The following MYO10 variants were observed in gnomAD, a reference collection of about 807,000 sequenced individuals.
MYO10 encodes the protein unconventional myosin-X.
A neutral mutation model predicts 257.3 loss-of-function variants in MYO10; 133 were observed. That is an observed-to-expected ratio of 0.52 (90% CI 0.45 to 0.60). The LOEUF (loss-of-function observed/expected upper bound fraction) is 0.60. MYO10 is among the 20% of genes least tolerant of loss of function. The pLI, the probability that MYO10 is intolerant of heterozygous loss-of-function variation, is 0.00. For missense variants in MYO10, 2,399 were observed against 2,635.7 expected (o/e 0.91, Z 1.97); for synonymous variants, 1,104 against 1,028.6 (o/e 1.07, Z -1.40).
chr5:16,914,510 T>G (rs1410173858), intron 1 of MYO10, among the ~76,000 whole-genome samples: 5 of 152,260 alleles, frequency 3.3e-5, no homozygotes, highest in Admixed American at 6.5e-5. Flanking sequence ...CCTATGCCAC[T>G]GTTAATTCTG....
At position 16,679,524 on chromosome 5, in the gene MYO10, G is replaced by GTTTTTTTTTTTTTTTTTTTTTTTTTTTT. The variant is rs33919452; in HGVS notation, c.4542+422_4542+423insAAAAAAAAAAAAAAAAAAAAAAAAAAAA. Among the ~76,000 whole-genome samples the GTTTTTTTTTTTTTTTTTTTTTTTTTTTT allele has an allele frequency of 2.9e-4, 36 of 122,652 alleles. 2 individuals carry two copies. The highest frequency in any genetic ancestry group is 1.1e-3 in the African/African-American group (34 of 31,086). 80.5% of individuals were successfully genotyped at this position (122,652 alleles called of 152,430 possible). On this transcript the variant is annotated intron_variant, in intron 33 of 40. Transcript: ENST00000513610. ...TTAACCAAGCGCTAGTTTTTTGGGT[G>GTTTTTTTTTTTTTTTTTTTTTTTTTTTT]TTTTTTTTTTTTTTTTTTGAGACGA...
Position 16,666,455 on chromosome 5 carries a change from C to CCT in MYO10, c.*235_*236dup, listed in dbSNP as rs1736173014. ...TCCCCTCCTTTTTTAAGGCATGTGTCCTCTAAGAGTAGTAAAGCTTTGGAA... is the reference window on the plus strand; with the variant it reads ...TCCCCTCCTTTTTTAAGGCATGTGTCCTCTCTAAGAGTAGTAAAGCTTTGGAA... On this transcript the variant is annotated 3_prime_UTR_variant, in exon 41 of 41. Coordinates refer to ENST00000513610, the MANE Select transcript of MYO10 (RefSeq NM_012334.3). The CCT allele has an allele frequency of 2.3e-6, 1 of 437,752 alleles. No homozygotes were observed. The highest frequency in any genetic ancestry group is 2.0e-5 in the African/African-American group (1 of 49,200). 27.1% of individuals were successfully genotyped at this position (437,752 alleles called of 1,614,324 possible). A position where few individuals can be genotyped will look rare whatever the true frequency, so the allele number is the denominator to read the frequency against.
chr5:16,691,146 T>C (rs1187666664), intron 27 of MYO10, among the ~76,000 whole-genome samples: 1 of 151,634 alleles, frequency 6.6e-6, no homozygotes, highest in East Asian at 2.0e-4. Flanking sequence ...GGCAGGTACC[T>C]GTACTTCCAG....
At chr5:16,763,588 A>G (rs765465984) in intron 13 of MYO10, 41 bp from the exon 14 acceptor site, 2 of 1,588,920 alleles carry the variant, frequency 1.3e-6, no homozygotes, top group Admixed American at 3.3e-5. Flanking sequence ...ATGAAAACAT[A>G]GCTTCAAAAC....
intron 33 of MYO10, among the ~76,000 whole-genome samples, chr5:16,678,444 G>C (rs971029417): frequency 6.6e-6 from 1 of 152,166 alleles, no homozygotes; most frequent in African/African-American, 2.4e-5. Context: ...GCTGGGCGTG[G>C]TGGTGGGTGC....
At chr5:16,858,604 T>C (rs1448336676) in intron 2 of MYO10, among the ~76,000 whole-genome samples, 1 of 152,184 alleles carries the variant, frequency 6.6e-6, no homozygotes, top group Admixed American at 6.5e-5. Flanking sequence ...ATCTTTAAAA[T>C]GGCAGCACAA....
At chr5:16,867,757 A>T (rs1744323159) in intron 2 of MYO10, among the ~76,000 whole-genome samples, 1 of 152,160 alleles carries the variant, frequency 6.6e-6, no homozygotes, top group African/African-American at 2.4e-5. Context: ...CTCTCTTAGC[A>T]GGTGGGAATG....
rs540526196 is a variant in MYO10 at position 16,752,652 on chromosome 5, T to G, written c.1929+2176A>C. 2.6e-5 allele frequency among the ~76,000 whole-genome samples: 4 copies of G among 152,300 alleles called. No individual in the cohort carries two copies. The South Asian group carries it at 6.2e-4, about 24-fold the overall frequency. ...TGAAAGATTAAATATGGCACTATCA[T>G]CCTTATTGTAGAAAGAGGAGAGAAC... On this transcript the variant is annotated intron_variant, in intron 19 of 40. Transcript: ENST00000513610.
chr5:16,810,267 A>G (rs963765081), intron 3 of MYO10, among the ~76,000 whole-genome samples: 6 of 152,140 alleles, frequency 3.9e-5, no homozygotes, highest in Non-Finnish European at 7.4e-5. Flanking sequence ...ACGTTTTCAC[A>G]GCCACAGCAC....
intron 1 of MYO10, among the ~76,000 whole-genome samples, chr5:16,896,515 C>T (rs967629994): frequency 2.6e-5 from 4 of 152,122 alleles, no homozygotes; most frequent in African/African-American, 9.7e-5. Flanking sequence ...ACTGCTTGAA[C>T]CCAGGAGGCA....
At chr5:16,813,551 T>TA (rs368633982) in intron 3 of MYO10, among the ~76,000 whole-genome samples, 3,080 of 123,752 alleles carry the variant, frequency 0.025, 102 homozygotes, top group African/African-American at 0.083. Context: ...ACCCTGGCTC[T>TA]AAAAAAAAAA....
Position 16,685,781 on chromosome 5 carries a change from A to T in MYO10, c.3947T>A (p.Ile1316Asn). The T allele has an allele frequency of 6.3e-7, 1 of 1,588,578 alleles. No homozygotes were observed. The highest frequency in any genetic ancestry group is 8.6e-7 in the Non-Finnish European group (1 of 1,167,890). ...SQVHASTDQE[I>N]QEMHDEQANP... ...TGCCTGCTCATCATGCATCTCCTGG[A>T]TCTCCTGGTCCGTGGACGCGTGGAC... Residue 1316 changes from isoleucine to asparagine, a missense_variant, in exon 29 of 41, where the codon ATC (isoleucine) becomes AAC (asparagine). Ile to Asn is a moderately radical substitution (Grantham distance 149). This residue lies in a region of MYO10 where 1,820 missense variants were observed against 1,939.4 expected (regional missense o/e 0.94). Coordinates refer to ENST00000513610, the MANE Select transcript of MYO10 (RefSeq NM_012334.3).
At chr5:16,744,348 G>A (rs544874109) in intron 19 of MYO10, among the ~76,000 whole-genome samples, 2 of 152,046 alleles carry the variant, frequency 1.3e-5, no homozygotes, top group Admixed American at 6.6e-5. Context: ...ATACACACAC[G>A]TTAAACACAG....
At chr5:16,702,822 G>C in intron 23 of MYO10, 103 bp downstream of exon 23, 1 of 1,119,328 alleles carries the variant, frequency 8.9e-7, no homozygotes, top group Non-Finnish European at 1.3e-6. Context: ...TCAAATTGTA[G>C]GTTCTGGGGC....
Position 16,879,262 on chromosome 5 carries a change from C to T in MYO10, c.22-1555G>A, listed in dbSNP as rs541173868. 3.9e-5 allele frequency among the ~76,000 whole-genome samples: 6 copies of T among 152,276 alleles called. 1 individual carries two copies. In the East Asian group the frequency reaches 1.2e-3, roughly 29 times the overall value. ...ACTCCTTTTCTAGAATTTTCTACCT[C>T]ATTTCATTTATTTCTGTTTTGTTAA... On this transcript the variant is annotated intron_variant, in intron 1 of 40. Transcript: ENST00000513610.
chr5:16,701,630 C>A lies in MYO10; in HGVS notation c.2765G>T (p.Arg922Leu). Residue 922 changes from arginine to leucine, a missense_variant, in exon 25 of 41, where the codon CGG (arginine) becomes CTG (leucine). Transcript: ENST00000513610. The surrounding 1 kb of genome is among the most constrained non-coding windows in gnomAD (Gnocchi z 8.1). ...TEASLQKLQE[R>L]RDQELRRLEE... ...CAGCCTGCGGAGCTCCTGGTCCCGCCGCTCCTGCAGCTTCTGCAGGGAAGC... is the reference window on the plus strand; with the variant it reads ...CAGCCTGCGGAGCTCCTGGTCCCGCAGCTCCTGCAGCTTCTGCAGGGAAGC... The A allele has an allele frequency of 6.2e-7, 1 of 1,613,650 alleles. No individual in the cohort carries two copies. Among genetic ancestry groups the A allele is most frequent in the South Asian group, 1.1e-5 (1 of 91,022 alleles).
At chr5:16,785,044 G>A (rs554065048) in intron 4 of MYO10, among the ~76,000 whole-genome samples, 4 of 152,258 alleles carry the variant, frequency 2.6e-5, no homozygotes, top group South Asian at 2.1e-4. Flanking sequence ...TCCCTTTTGC[G>A]GCAGACAACA....
At chr5:16,779,491 C>T in intron 9 of MYO10, 54 bp downstream of exon 9, 2 of 1,061,904 alleles carry the variant, frequency 1.9e-6, no homozygotes, top group Non-Finnish European at 2.7e-6. Flanking sequence ...AAATCTGTTA[C>T]TCTTAATAAG....
At chr5:16,879,639 T>C (rs989694243) in intron 1 of MYO10, among the ~76,000 whole-genome samples, 2 of 152,200 alleles carry the variant, frequency 1.3e-5, no homozygotes, top group African/African-American at 4.8e-5. Flanking sequence ...CCTAACCCCA[T>C]GCTCTTCCCA....
Sources: gnomAD v4.1 joint callset for allele counts (sites outside exome capture counted in the v4.1 genomes callset) on GRCh38, gnomAD v4.1.1 for gene constraint, gnomAD v4.1.1 regional missense constraint, Gnocchi (gnomAD v3.1) non-coding constraint, MANE v1.5 for transcripts, NCBI Gene and HGNC (gene_info 2026-07-23, HGNC 2026-07-21) for gene names.